Variants in TTBK1 observed in about 807,000 individuals in gnomAD.
TTBK1 encodes the protein tau-tubulin kinase 1.
Under a neutral mutation model 108.5 loss-of-function variants are expected in TTBK1, and 34 were observed. The observed-to-expected ratio is 0.31, with a 90% CI of 0.24 to 0.42. TTBK1 has a LOEUF of 0.42. Among genes scored for constraint, TTBK1 ranks in the 10% least tolerant of loss-of-function variants. The pLI, the probability that TTBK1 is intolerant of heterozygous loss-of-function variation, is 1.00. For synonymous variants in TTBK1, 809 were observed against 795.1 expected, an observed-to-expected ratio of 1.02 and a Z score of -0.29; for missense variants, 1,539 against 1,826.0, an observed-to-expected ratio of 0.84 and a Z score of 2.86.
chr6:43,284,369 G>GGAGGGCCTTCTCCAGAACCAAGGT, intron 14 of TTBK1, 57 bp downstream of exon 14: 1 of 1,479,750 alleles, frequency 6.8e-7, no homozygotes, highest in South Asian at 1.4e-5. Flanking sequence ...GCCTCCACCA[G>GGAGGGCCTTCTCCAGAACCAAGGT]GAGGGGCTTC....
At chr6:43,280,932 T>C (rs1778139727) in intron 13 of TTBK1, among the ~76,000 whole-genome samples, 1 of 152,122 alleles carries the variant, frequency 6.6e-6, no homozygotes, top group South Asian at 2.1e-4. Flanking sequence ...AGCTGGAAGA[T>C]GCACTTAGGA....
chr6:43,255,213 AG>A, intron 7 of TTBK1, 99 bp downstream of exon 7: 1 of 1,022,404 alleles, frequency 9.8e-7, no homozygotes, highest in South Asian at 1.4e-5. Context: ...AGAGTGGGGC[AG>A]GGGCTGCAAT....
At position 43,255,534 on chromosome 6, in the gene TTBK1, C is replaced by T. The variant is rs767919721; in HGVS notation, c.643-18C>T. 6.3e-7 allele frequency: 1 copy of T among 1,581,292 alleles called. No individual in the cohort carries two copies. On this transcript the variant is annotated intron_variant, in intron 7 of 14. Coordinates refer to ENST00000259750, the MANE Select transcript of TTBK1 (RefSeq NM_032538.3). ...AAGGACCTGAGAGCTGCAGGTGACT[C>T]CCTCCCCCCACCTCCAGGAGATGGG...
chr6:43,244,827 C>A (rs914748859), intron 1 of TTBK1, among the ~76,000 whole-genome samples: 4 of 152,198 alleles, frequency 2.6e-5, no homozygotes, highest in Non-Finnish European at 4.4e-5. Flanking sequence ...ATTGCTTCTT[C>A]AGTCTTGTCC....
At position 43,285,215 on chromosome 6, in the gene TTBK1, G is replaced by C; in HGVS notation, c.3805G>C (p.Gly1269Arg). 7.6e-7 allele frequency: 1 copy of C among 1,314,756 alleles called. No individual in the cohort carries two copies. Among genetic ancestry groups the C allele is most frequent in the Non-Finnish European group, 9.7e-7 (1 of 1,035,760 alleles). 81.4% of individuals were successfully genotyped at this position (1,314,756 alleles called of 1,614,324 possible). A position where few individuals can be genotyped will look rare whatever the true frequency, so the allele number is the denominator to read the frequency against. Residue 1269 changes from glycine to arginine, a missense_variant, in exon 15 of 15, where the codon GGG becomes CGG. By Grantham distance (125) the Gly-to-Arg change is moderately radical. This residue lies in a region of TTBK1 where 1,055 missense variants were observed against 1,086.5 expected (regional missense o/e 0.97). Transcript: ENST00000259750. This position sits in a 1 kb window ranked among gnomAD's most constrained non-coding sequence, Gnocchi z 4.7. Reference protein sequence around the residue: ...SPSPSHQARPGVPPPRGVPPA... With the variant: ...SPSPSHQARPRVPPPRGVPPA... ...CTCCCCCTCGCACCAGGCCCGGCCC[G>C]GGGTCCCCCCGCCCCGGGGCGTCCC...
At position 43,263,988 on chromosome 6, in the gene TTBK1, G is replaced by A. The variant is rs1777613730; in HGVS notation, c.1986+638G>A. Among the ~76,000 whole-genome samples the A allele has an allele frequency of 6.6e-6, 1 of 152,128 alleles. No homozygotes were observed. Among genetic ancestry groups the A allele is most frequent in the South Asian group, 2.1e-4 (1 of 4,824 alleles). ...CAAGGTGGATAGTGCCAAGGGTGTT[G>A]GGGATAGGTCAAGCAGGCTGTGATG... On this transcript the variant is annotated intron_variant, in intron 13 of 14. Coordinates refer to ENST00000259750, the MANE Select transcript of TTBK1 (RefSeq NM_032538.3). The surrounding 1 kb of genome is among the most constrained non-coding windows in gnomAD (Gnocchi z 4.7).
At chr6:43,256,385 G>A (rs909207614) in intron 9 of TTBK1, among the ~76,000 whole-genome samples, 3 of 151,946 alleles carry the variant, frequency 2.0e-5, no homozygotes, top group East Asian at 2.0e-4. Flanking sequence ...CACCTGCCTC[G>A]GCCTCCCAAG....
At chr6:43,280,695 T>C (rs758789929) in intron 13 of TTBK1, among the ~76,000 whole-genome samples, 3 of 152,000 alleles carry the variant, frequency 2.0e-5, no homozygotes, top group Admixed American at 1.3e-4. Flanking sequence ...TGTAGGACAA[T>C]AGGTGGGAGA....
At chr6:43,275,128 C>T (rs1777932861) in intron 13 of TTBK1, among the ~76,000 whole-genome samples, 1 of 152,202 alleles carries the variant, frequency 6.6e-6, no homozygotes, top group Non-Finnish European at 1.5e-5. Flanking sequence ...CTCTCCGGAC[C>T]CTGCACTAGC....
At chr6:43,272,568 G>GTA (rs1777862527) in intron 13 of TTBK1, 2 of 985,288 alleles carry the variant, frequency 2.0e-6, no homozygotes, top group Non-Finnish European at 2.4e-6. Context: ...ACATCCTTTT[G>GTA]TATATCCTCC....
In TTBK1 at chr6:43,284,186, C is replaced by T. The variant is rs1399453165; in HGVS notation, c.3446C>T (p.Ala1149Val). The T allele has an allele frequency of 3.8e-6, 6 of 1,569,842 alleles. No individual in the cohort carries two copies. Among genetic ancestry groups the T allele is most frequent in the Non-Finnish European group, 5.1e-6 (6 of 1,165,732 alleles). Residue 1149 changes from alanine (A) to valine (V), a missense_variant, in exon 14 of 15, where the codon GCA becomes GTA. Ala to Val is a moderately conservative substitution (Grantham distance 64). Around this residue, in one of 5 missense-constraint regions of TTBK1, gnomAD observed 1,055 missense variants for 1,086.5 expected, o/e 0.97. Coordinates refer to ENST00000259750, the MANE Select transcript of TTBK1 (RefSeq NM_032538.3). ...AAALPRKSGR[A>V]AATRSRIPRP... is the part of the protein sequence containing the mutation. ...GCCTTGCCCAGGAAGAGCGGGAGGGCAGCCGCCACCAGGAGCCGGATTCCC... is the reference window on the plus strand; with the variant it reads ...GCCTTGCCCAGGAAGAGCGGGAGGGTAGCCGCCACCAGGAGCCGGATTCCC...
At chr6:43,270,003 G>T in intron 13 of TTBK1, 1 of 1,428,838 alleles carries the variant, frequency 7.0e-7, no homozygotes, top group Non-Finnish European at 9.1e-7. Flanking sequence ...TGGGGAGCAG[G>T]CAGAGGACCA....
At chr6:43,272,224 G>T in intron 13 of TTBK1, 1 of 985,460 alleles carries the variant, frequency 1.0e-6, no homozygotes, top group Admixed American at 6.1e-5. Context: ...TCTGGGGTTG[G>T]ATGAAACCAA....
Position 43,259,111 on chromosome 6 carries a change from C to A in TTBK1, c.1090C>A (p.Leu364Met). The A allele has an allele frequency of 6.2e-7, 1 of 1,614,134 alleles. No homozygotes were observed. Among genetic ancestry groups the A allele is most frequent in the Non-Finnish European group, 8.5e-7 (1 of 1,179,992 alleles). ...NTEDVLQGEH[L>M]SDQENAPPIL... Reference sequence around the variant, plus strand: ...CGAGGATGTGCTACAGGGAGAGCACCTGAGTGACCAGGAGAATGCACCCCC... The same window carrying A: ...CGAGGATGTGCTACAGGGAGAGCACATGAGTGACCAGGAGAATGCACCCCC... Residue 364 changes from leucine to methionine, a missense_variant, in exon 11 of 15, where the codon CTG (leucine) becomes ATG (methionine). By Grantham distance (15) the Leu-to-Met change is conservative. Coordinates refer to ENST00000259750, the MANE Select transcript of TTBK1 (RefSeq NM_032538.3). The surrounding 1 kb of genome is among the most constrained non-coding windows in gnomAD (Gnocchi z 6.7).
At chr6:43,278,683 T>C (rs1211835378) in intron 13 of TTBK1, among the ~76,000 whole-genome samples, 2 of 152,180 alleles carry the variant, frequency 1.3e-5, no homozygotes, top group Non-Finnish European at 2.9e-5. Context: ...ACACTGACGG[T>C]GTCTGTGGAT....
In TTBK1 at chr6:43,255,643, A is replaced by G; in HGVS notation, c.734A>G (p.Lys245Arg). 1 of 1,614,142 alleles carries G rather than the reference A, an allele frequency of 6.2e-7. No individual in the cohort carries two copies. The highest frequency in any genetic ancestry group is 8.5e-7 in the Non-Finnish European group (1 of 1,180,010). ...CTGCCCTGGAGGAAGATCAAGGACA[A>G]GGTGAGCCCCAGGCAGCTGGGTCTG... is the stretch of plus-strand genomic sequence containing the variant. ...GQLPWRKIKD[K>R]EQVGMIKEKY... The change falls in exon 8 of 15, where the codon AAG becomes AGG. Residue 245 changes from lysine to arginine, a missense_variant and splice_region_variant. Coordinates refer to ENST00000259750, the MANE Select transcript of TTBK1 (RefSeq NM_032538.3).
Position 43,283,838 on chromosome 6 carries a change from G to A in TTBK1, c.3098G>A (p.Ser1033Asn). The A allele has an allele frequency of 6.2e-7, 1 of 1,610,318 alleles. No individual in the cohort carries two copies. Among genetic ancestry groups the A allele is most frequent in the Non-Finnish European group, 8.5e-7 (1 of 1,177,864 alleles). Residue 1033 changes from serine to asparagine, a missense_variant, in exon 14 of 15, where the codon AGC becomes AAC. Ser to Asn is a conservative substitution (Grantham distance 46). Coordinates refer to ENST00000259750, the MANE Select transcript of TTBK1 (RefSeq NM_032538.3). This position sits in a 1 kb window ranked among gnomAD's most constrained non-coding sequence, Gnocchi z 8.1. ...GCCCCGGTGTCCCCGCTGGAGCCAA[G>A]CCCTGAGAAAGTGGCCACCATCTCC... ...GPAPVSPLEP[S>N]PEKVATISPR...
At chr6:43,270,195 T>G (rs1582504857) in intron 13 of TTBK1, 1 of 1,325,282 alleles carries the variant, frequency 7.5e-7, no homozygotes. Flanking sequence ...CAGGGAGGGG[T>G]GGGGCTGGTG....
intron 9 of TTBK1, 63 bp downstream of exon 9, chr6:43,255,919 C>A: frequency 6.2e-7 from 1 of 1,602,158 alleles, no homozygotes; most frequent in African/African-American, 1.3e-5. Flanking sequence ...TGTCCCCCAG[C>A]AGACCTCGCT....
Sources: allele counts gnomAD v4.1 joint callset (sites outside exome capture counted in the v4.1 genomes callset), GRCh38; gene constraint gnomAD v4.1.1; regional missense constraint gnomAD v4.1.1; non-coding constraint Gnocchi (gnomAD v3.1); transcripts MANE v1.5; gene names NCBI Gene and HGNC (gene_info 2026-07-23, HGNC 2026-07-21).